PHLDB3: variants seen among roughly 807,000 people sequenced by gnomAD.
PHLDB3 encodes the protein pleckstrin homology-like domain family B member 3.
In PHLDB3, 86 loss-of-function variants were observed where a neutral mutation model predicts 85.7. That is an observed-to-expected ratio of 1.00 (90% confidence interval 0.84 to 1.20). The LOEUF (loss-of-function observed/expected upper bound fraction) is 1.20. Ranked by LOEUF, PHLDB3 falls within the 50% of genes most tolerant of loss-of-function variation. PHLDB3 has a pLI of 0.00. For missense variants in PHLDB3, 995 were observed against 873.0 expected (o/e 1.14, Z -1.76); for synonymous variants, 376 against 349.8 (o/e 1.07, Z -0.83).
intron 4 of PHLDB3, chr19:43,501,480 C>T: frequency 6.2e-6 from 4 of 642,648 alleles, no homozygotes; most frequent in African/African-American, 1.8e-5. Flanking sequence ...CCACTGCTTC[C>T]GGCCAGTTTG....
At position 43,502,124 on chromosome 19, in the gene PHLDB3, G is replaced by A. The variant is rs1466467364; in HGVS notation, c.373C>T (p.Gln125Ter). The change falls in exon 3 of 16, where the codon CAG (glutamine) becomes TAG (stop). Residue 125 changes from glutamine (Q) to a stop codon, truncating the protein, a stop_gained. Transcript: ENST00000292140. LOFTEE classifies it high-confidence loss of function. ...MEQRVKELQR[Q>*]RKELRIEMEV... The stretch of plus-strand genomic sequence containing the variant: ...ACCTCGATCCTCAGCTCCTTCCTCT[G>A]GCGCTGTAGCTCCTTCACTCGCTGC... The A allele has an allele frequency of 1.3e-6, 2 of 1,577,692 alleles. No homozygotes were observed. Among genetic ancestry groups the A allele is most frequent in the African/African-American group, 1.4e-5 (1 of 73,922 alleles).
intron 5 of PHLDB3, 88 bp from the exon 6 acceptor site, chr19:43,497,367 G>T: frequency 8.9e-7 from 1 of 1,122,172 alleles, no homozygotes; most frequent in Non-Finnish European, 1.2e-6. Flanking sequence ...CTGGTCAGAG[G>T]AAGAAGGTGA....
At chr19:43,495,859 A>T (rs1160908649) in intron 6 of PHLDB3, among the ~76,000 whole-genome samples, 1 of 152,160 alleles carries the variant, frequency 6.6e-6, no homozygotes, top group Non-Finnish European at 1.5e-5. Context: ...AGTAACCAAG[A>T]CAGGCCCCAA....
At position 43,501,799 on chromosome 19, in the gene PHLDB3, GCTC is replaced by G. The variant is rs1971607278; in HGVS notation, c.466_468del (p.Glu156del). On this transcript the variant is annotated inframe_deletion, in exon 4 of 16. Coordinates refer to ENST00000292140, the MANE Select transcript of PHLDB3 (RefSeq NM_198850.4). ...TGCTGCTCCAGCAGCTCCCGCAGCTGCTCCTCCTCCCGGCGAGCGGCCACTCGC... is the reference window on the plus strand; with the variant it reads ...TGCTGCTCCAGCAGCTCCCGCAGCTGCTCCTCCCGGCGAGCGGCCACTCGC... 6.3e-7 allele frequency: 1 copy of G among 1,588,168 alleles called. No homozygotes were observed. The highest frequency in any genetic ancestry group is 1.3e-5 in the African/African-American group (1 of 74,232).
chr19:43,475,760 T>G (rs1416536555), intron 15 of PHLDB3, among the ~76,000 whole-genome samples: 1 of 152,128 alleles, frequency 6.6e-6, no homozygotes, highest in Non-Finnish European at 1.5e-5. Context: ...AATTATCATA[T>G]GTAGAGCGCT....
At chr19:43,489,278 G>C (rs1040804605) in intron 9 of PHLDB3, among the ~76,000 whole-genome samples, 2 of 151,988 alleles carry the variant, frequency 1.3e-5, no homozygotes, top group Non-Finnish European at 1.5e-5. Flanking sequence ...GAGGTGGGAG[G>C]ATCACTTGAG....
intron 13 of PHLDB3, among the ~76,000 whole-genome samples, chr19:43,482,291 A>G (rs925657863): frequency 6.6e-6 from 1 of 152,120 alleles, no homozygotes; most frequent in Non-Finnish European, 1.5e-5. Flanking sequence ...TCAGTTCCCT[A>G]TGCTAAAACA....
chr19:43,493,280 G>GAATAAATA (rs57954351), intron 9 of PHLDB3, among the ~76,000 whole-genome samples: 56,049 of 133,446 alleles, frequency 0.42, 12,130 homozygotes, highest in Non-Finnish European at 0.45. Context: ...CTCTGTCTCA[G>GAATAAATA]AATAAATAAA....
chr19:43,487,038 G>A lies in PHLDB3; in HGVS notation c.1235C>T (p.Ser412Phe). Residue 412 changes from serine to phenylalanine, a missense_variant, in exon 10 of 16, where the codon TCC (serine) becomes TTC (phenylalanine). By Grantham distance (155) the Ser-to-Phe change is radical. Coordinates refer to ENST00000292140, the MANE Select transcript of PHLDB3 (RefSeq NM_198850.4). ...GSQRGSPRPL[S>F]FHCTESLEAS... ...GGGATCCTCACCAGTACAATGGAAG[G>A]ACAGAGGTCGGGGGGATCCTCTCTG... 3 of 1,571,818 alleles carry A rather than the reference G, an allele frequency of 1.9e-6. No individual in the cohort carries two copies. The highest frequency in any genetic ancestry group is 2.6e-6 in the Non-Finnish European group (3 of 1,161,070).
At chr19:43,480,103 T>C (rs1971012025) in intron 13 of PHLDB3, among the ~76,000 whole-genome samples, 1 of 150,054 alleles carries the variant, frequency 6.7e-6, no homozygotes, top group African/African-American at 2.5e-5. Context: ...ATCCTGTCTC[T>C]GAAAAAAAAA....
intron 9 of PHLDB3, 114 bp from the exon 10 acceptor site, chr19:43,487,237 C>CTTTCACTCAGCACATGGACAGT: frequency 2.4e-6 from 2 of 837,294 alleles, no homozygotes; most frequent in Non-Finnish European, 3.9e-6. Flanking sequence ...CACTACTGTC[C>CTTTCACTCAGCACATGGACAGT]ATGTGCTGAG....
intron 9 of PHLDB3, among the ~76,000 whole-genome samples, chr19:43,492,035 A>G (rs1971330852): frequency 6.8e-6 from 1 of 147,192 alleles, no homozygotes; most frequent in African/African-American, 2.5e-5. Flanking sequence ...GGCTCACTGC[A>G]ACCTCCGCCT....
intron 2 of PHLDB3, 73 bp from the exon 3 acceptor site, chr19:43,502,356 C>T (rs1218115658): frequency 2.1e-6 from 3 of 1,399,282 alleles, no homozygotes; most frequent in African/African-American, 2.8e-5. Flanking sequence ...CTGGTCCCCA[C>T]CCAACATCAC....
chr19:43,486,708 G>C lies in PHLDB3; in HGVS notation c.1341-12C>G. The C allele has an allele frequency of 1.9e-6, 3 of 1,613,848 alleles. No individual in the cohort carries two copies. Among genetic ancestry groups the C allele is most frequent in the Non-Finnish European group, 2.5e-6 (3 of 1,179,806 alleles). ...GGATGGCCCCACAGCTAGGAGGAGGGAACACAGACGGGGTGGGTTACAGTG... is the reference window on the plus strand; with the variant it reads ...GGATGGCCCCACAGCTAGGAGGAGGCAACACAGACGGGGTGGGTTACAGTG... On this transcript the variant is annotated splice_polypyrimidine_tract_variant and intron_variant, in intron 11 of 15. Transcript: ENST00000292140.
chr19:43,495,769 A>G (rs1971442971), intron 6 of PHLDB3, 149 bp from the exon 7 acceptor site: 5 of 1,127,702 alleles, frequency 4.4e-6, no homozygotes, highest in Admixed American at 5.9e-5. Flanking sequence ...CCCAGCGTTC[A>G]GCTCCCTGGA....
chr19:43,483,199 A>G (rs1971083639), intron 13 of PHLDB3, among the ~76,000 whole-genome samples: 1 of 152,178 alleles, frequency 6.6e-6, no homozygotes, highest in Non-Finnish European at 1.5e-5. Flanking sequence ...GGAAAAGTAT[A>G]AACACAGATT....
chr19:43,503,236 G>C (rs1971659820), intron 2 of PHLDB3, among the ~76,000 whole-genome samples: 1 of 149,666 alleles, frequency 6.7e-6, no homozygotes, highest in South Asian at 2.1e-4. Context: ...TCTCTTACTC[G>C]TTTGGTTCTC....
intron 9 of PHLDB3, among the ~76,000 whole-genome samples, chr19:43,489,117 T>C (rs770442293): frequency 9.2e-5 from 14 of 152,184 alleles, no homozygotes; most frequent in Non-Finnish European, 2.1e-4. Context: ...AGGACAATTC[T>C]GCAGTGTAGA....
At chr19:43,491,596 G>GAGAATA in intron 9 of PHLDB3, among the ~76,000 whole-genome samples, 1 of 151,616 alleles carries the variant, frequency 6.6e-6, no homozygotes, top group East Asian at 1.9e-4. Flanking sequence ...CCATCTCCTG[G>GAGAATA]GTTCAAACTA....
Sources: allele counts gnomAD v4.1 joint callset (sites outside exome capture counted in the v4.1 genomes callset), GRCh38; gene constraint gnomAD v4.1.1; transcripts MANE v1.5; gene names NCBI Gene and HGNC (gene_info 2026-07-23, HGNC 2026-07-21).